The following LARP1 variants were observed in gnomAD, a reference collection of about 807,000 sequenced individuals.
LARP1 encodes the protein la-related protein 1.
A neutral mutation model predicts 122.7 loss-of-function variants in LARP1; 36 were observed. The observed-to-expected ratio is 0.29, with a 90% CI of 0.22 to 0.39. The LOEUF is 0.39. Ranked by LOEUF, LARP1 falls within the 10% of genes least tolerant of loss-of-function variation. The pLI is 1.00. For synonymous variants in LARP1, 539 were observed against 528.7 expected, an observed-to-expected ratio of 1.02 and a Z score of -0.27; for missense variants, 1,040 against 1,403.6, an observed-to-expected ratio of 0.74 and a Z score of 4.14.
chr5:154,802,255 G>A lies in LARP1; in HGVS notation c.1965G>A (p.Arg655=), dbSNP rs1341253468. The A allele has an allele frequency of 1.2e-6, 2 of 1,614,072 alleles. No individual in the cohort carries two copies. Among genetic ancestry groups the A allele is most frequent in the Non-Finnish European group, 1.7e-6 (2 of 1,180,054 alleles). The change falls in exon 11 of 19, where the codon CGG becomes CGA. Residue 655 remains arginine (R), a synonymous_variant. Coordinates refer to ENST00000518297, the MANE Select transcript of LARP1 (RefSeq NM_033551.3). The surrounding 1 kb of genome is among the most constrained non-coding windows in gnomAD (Gnocchi z 5.1). ...IVTQTPHYMR[R]HPGGDRTGNH... is the part of the protein sequence containing the mutation. ...CCCAGACACCACATTACATGCGCCG[G>A]CACCCAGGGGGGGACCGCACAGGCA...
intron 1 of LARP1, among the ~76,000 whole-genome samples, chr5:154,733,955 C>G (rs181370202): frequency 1.3e-5 from 2 of 152,070 alleles, no homozygotes; most frequent in Admixed American, 6.6e-5. Context: ...CACCTGAGTT[C>G]GGGAGATCGA....
rs375125389 is a variant in LARP1, at chr5:154,814,390, A to C, written c.*294A>C. 3.1e-5 allele frequency: 5 copies of C among 161,294 alleles called. No homozygotes were observed. In the South Asian group the frequency reaches 1.0e-3, roughly 33 times the overall value. The allele number at this position is 161,294 out of a possible 1,614,324, so 10.0% of individuals were successfully genotyped here. ...ATATATATATACATATATATATATC[A>C]AGTTTTAAATTATTGATAGTTCATC... On this transcript the variant is annotated 3_prime_UTR_variant, in exon 19 of 19. Coordinates refer to ENST00000518297, the MANE Select transcript of LARP1 (RefSeq NM_033551.3).
chr5:154,796,094 TTTATATATTTATATATAGTATATATA>T (rs1582441127), intron 8 of LARP1, among the ~76,000 whole-genome samples: 1 of 119,970 alleles, frequency 8.3e-6, no homozygotes, highest in East Asian at 2.1e-4. Context: ...ATATATATAT[TTTATATATTTATATATAGTATATATA>T]TTATATATAT....
chr5:154,790,906 C>T (rs912026565), intron 3 of LARP1, among the ~76,000 whole-genome samples, 196 bp downstream of exon 3: 2 of 152,134 alleles, frequency 1.3e-5, no homozygotes, highest in Admixed American at 6.6e-5. Flanking sequence ...CAACCTCCAC[C>T]TCCTGGGTTC....
At chr5:154,809,218 G>T (rs984136275) in intron 16 of LARP1, among the ~76,000 whole-genome samples, 1 of 151,138 alleles carries the variant, frequency 6.6e-6, no homozygotes, top group African/African-American at 2.4e-5. Context: ...TAATCCCAGC[G>T]CTTCGGGAGG....
In LARP1 at chr5:154,719,094, A is replaced by C. The variant is rs369170341; in HGVS notation, c.205+5964A>C. 9.2e-5 allele frequency among the ~76,000 whole-genome samples: 14 copies of C among 152,290 alleles called. No homozygotes were observed. In the South Asian group the frequency reaches 1.7e-3, roughly 18 times the overall value. ...GACTGAAGCAAGATTAGGACCTAGGAGTCCTGGGAAGCCTGGCTGGGATAG... is the reference window on the plus strand; with the variant it reads ...GACTGAAGCAAGATTAGGACCTAGGCGTCCTGGGAAGCCTGGCTGGGATAG... On this transcript the variant is annotated intron_variant, in intron 1 of 18. Transcript: ENST00000336314.
intron 1 of LARP1, among the ~76,000 whole-genome samples, chr5:154,730,162 C>T (rs1216593528): frequency 6.6e-6 from 1 of 152,180 alleles, no homozygotes; most frequent in African/African-American, 2.4e-5. Flanking sequence ...TTTCTTTGTG[C>T]TGTTCCTTCT....
At chr5:154,784,573 G>T (rs185997148) in intron 1 of LARP1, among the ~76,000 whole-genome samples, 1 of 152,296 alleles carries the variant, frequency 6.6e-6, no homozygotes, top group African/African-American at 2.4e-5. Context: ...CAGTGTTCAG[G>T]CCTGAAATCT....
At chr5:154,784,364 C>T (rs548485739) in intron 1 of LARP1, among the ~76,000 whole-genome samples, 2 of 152,228 alleles carry the variant, frequency 1.3e-5, no homozygotes, top group Non-Finnish European at 2.9e-5. Context: ...GAGGTCTACC[C>T]GAAGGAGGTC....
intron 1 of LARP1, among the ~76,000 whole-genome samples, chr5:154,742,332 C>T (rs1752931740): frequency 6.6e-6 from 1 of 152,190 alleles, no homozygotes; most frequent in Non-Finnish European, 1.5e-5. Flanking sequence ...GAGGCCAAGG[C>T]AGGTGGATCA....
At chr5:154,779,894 T>TG (rs1263947008) in intron 1 of LARP1, among the ~76,000 whole-genome samples, 4 of 152,132 alleles carry the variant, frequency 2.6e-5, no homozygotes, top group Admixed American at 2.6e-4. Flanking sequence ...GGCAGCACCC[T>TG]GGCTGCTGAG....
At chr5:154,697,786 G>A (rs916063159) in intron 1 of LARP1, among the ~76,000 whole-genome samples, 2 of 152,092 alleles carry the variant, frequency 1.3e-5, no homozygotes, top group Non-Finnish European at 2.9e-5. Flanking sequence ...AAGACTAAGG[G>A]ATAATAGCTA....
At position 154,802,358 on chromosome 5, in the gene LARP1, C is replaced by A; in HGVS notation, c.2068C>A (p.Leu690Met). ...TGGCCTCTTCTACTATGAGCAGGAC[C>A]TGTGGGCTGAAAAGTTTGAACCTGA... ...NDGLFYYEQD[L>M]WAEKFEPEYS... The change falls in exon 11 of 19, where the codon CTG becomes ATG. Residue 690 changes from leucine (L) to methionine (M), a missense_variant. By Grantham distance (15) the Leu-to-Met change is conservative (BLOSUM62 2). Around this residue, in one of 8 missense-constraint regions of LARP1, gnomAD observed 362 missense variants for 533.1 expected, o/e 0.68. Transcript: ENST00000518297. The surrounding 1 kb of genome is among the most constrained non-coding windows in gnomAD (Gnocchi z 5.1). The A allele has an allele frequency of 6.2e-7, 1 of 1,612,110 alleles. No homozygotes were observed.
chr5:154,790,571 T>G, intron 2 of LARP1, 74 bp from the exon 3 acceptor site: 1 of 1,535,434 alleles, frequency 6.5e-7, no homozygotes, highest in Non-Finnish European at 9.0e-7. Context: ...GATCTCTTGG[T>G]GAAGCTTGGG....
intron 8 of LARP1, among the ~76,000 whole-genome samples, chr5:154,795,889 T>A (rs556731392): frequency 1.6e-5 from 2 of 128,846 alleles, no homozygotes; most frequent in East Asian, 4.1e-4. Flanking sequence ...TATACATTTA[T>A]ATATATTTAT....
In LARP1 at chr5:154,817,181, T is replaced by C. The variant is rs1004810731; in HGVS notation, c.*3085T>C. The C allele has an allele frequency of 6.6e-6, 1 of 152,112 alleles. No individual in the cohort carries two copies. Among genetic ancestry groups the C allele is most frequent in the South Asian group, 2.1e-4 (1 of 4,824 alleles). 9.4% of individuals were successfully genotyped at this position (152,112 alleles called of 1,614,324 possible). On this transcript the variant is annotated 3_prime_UTR_variant, in exon 19 of 19. Coordinates refer to ENST00000518297, the MANE Select transcript of LARP1 (RefSeq NM_033551.3). Reference sequence around the variant, plus strand: ...AAAGCCTGGGTAGAGTGATCTGAATTATCTGGCACCCTCCTGAATGGAACC... The same window carrying C: ...AAAGCCTGGGTAGAGTGATCTGAATCATCTGGCACCCTCCTGAATGGAACC...
chr5:154,689,987 G>A (rs1754116477), intron 1 of LARP1, among the ~76,000 whole-genome samples: 1 of 152,208 alleles, frequency 6.6e-6, no homozygotes, highest in Non-Finnish European at 1.5e-5. Context: ...GTTGCACTGA[G>A]CAGAGATCGC....
chr5:154,809,393 A>G (rs1238004340), intron 16 of LARP1, among the ~76,000 whole-genome samples: 2 of 143,286 alleles, frequency 1.4e-5, no homozygotes, highest in Admixed American at 7.4e-5. Context: ...TCTGTAAACT[A>G]CATGAAAAAA....
At chr5:154,707,448 T>C (rs1755005884) in intron 1 of LARP1, among the ~76,000 whole-genome samples, 1 of 152,222 alleles carries the variant, frequency 6.6e-6, no homozygotes, top group Non-Finnish European at 1.5e-5. Flanking sequence ...ATATTGTACA[T>C]TTTCTGCCTC....
Sources: gnomAD v4.1 joint callset for allele counts (sites outside exome capture counted in the v4.1 genomes callset) on GRCh38, gnomAD v4.1.1 for gene constraint, gnomAD v4.1.1 regional missense constraint, Gnocchi (gnomAD v3.1) non-coding constraint, MANE v1.5 for transcripts, NCBI Gene and HGNC (gene_info 2026-07-23, HGNC 2026-07-21) for gene names.